The following DYTN variants were observed in gnomAD, a reference collection of about 807,000 sequenced individuals.
DYTN encodes dystrotelin.
Under a neutral mutation model 69.6 loss-of-function variants are expected in DYTN, and 75 were observed. That is an observed-to-expected ratio of 1.08 (90% CI 0.89 to 1.31). The LOEUF (loss-of-function observed/expected upper bound fraction) is 1.31. DYTN is among the 50% of genes most tolerant of loss of function. The pLI is 0.00. For synonymous variants in DYTN, 252 were observed against 249.1 expected, an observed-to-expected ratio of 1.01 and a Z score of -0.11; for missense variants, 726 against 688.4, an observed-to-expected ratio of 1.05 and a Z score of -0.61.
chr2:206,661,211 G>A (rs1351800695), intron 11 of DYTN, among the ~76,000 whole-genome samples: 2 of 152,144 alleles, frequency 1.3e-5, no homozygotes, highest in African/African-American at 4.8e-5. Flanking sequence ...TGGCCTCCAG[G>A]ACTGTGAGAA....
At chr2:206,706,110 C>T (rs1362731767) in intron 3 of DYTN, among the ~76,000 whole-genome samples, 1 of 152,186 alleles carries the variant, frequency 6.6e-6, no homozygotes, top group Non-Finnish European at 1.5e-5. Flanking sequence ...TGGATGCCTC[C>T]TCTGTGCTAA....
intron 11 of DYTN, among the ~76,000 whole-genome samples, chr2:206,659,162 CTCTTTTTT>C (rs1322043792): frequency 1.9e-4 from 23 of 123,520 alleles, no homozygotes; most frequent in South Asian, 5.3e-4. Context: ...TTCTCACAGT[CTCTTTTTT>C]TTTTTTTTTT....
intron 4 of DYTN, 81 bp from the exon 5 acceptor site, chr2:206,705,024 T>A (rs1700012103): frequency 8.8e-7 from 1 of 1,130,190 alleles, no homozygotes; most frequent in Non-Finnish European, 1.3e-6. Flanking sequence ...AGTAACAGTC[T>A]CTTTGTGGCT....
At chr2:206,666,670 C>G (rs1392007595) in intron 9 of DYTN, among the ~76,000 whole-genome samples, 1 of 151,976 alleles carries the variant, frequency 6.6e-6, no homozygotes. Flanking sequence ...TTTGGCTTCT[C>G]TTTTTGTCTA....
rs1007946812 is a variant in DYTN, at chr2:206,680,046, A to T, written c.980+13129T>A. On this transcript the variant is annotated intron_variant, in intron 9 of 11. Coordinates refer to ENST00000452335, the MANE Select transcript of DYTN (RefSeq NM_001093730.1). ...TCAGAGTGCCAGCGTGGTCGGTCATACACTGTGTTAGTCAATTTTCATACT... is the reference window on the plus strand; with the variant it reads ...TCAGAGTGCCAGCGTGGTCGGTCATTCACTGTGTTAGTCAATTTTCATACT... 2.0e-5 allele frequency among the ~76,000 whole-genome samples: 3 copies of T among 152,346 alleles called. No individual in the cohort carries two copies. The South Asian group carries it at 6.2e-4, about 32-fold the overall frequency.
intron 9 of DYTN, among the ~76,000 whole-genome samples, chr2:206,671,334 T>A (rs1699627801): frequency 6.6e-6 from 1 of 152,186 alleles, no homozygotes. Context: ...AAAAGGGCAG[T>A]AGCAGGAAGA....
Position 206,669,044 on chromosome 2 carries a change from G to A in DYTN, c.981-3015C>T, listed in dbSNP as rs142385700. ...CTTTATAAATTACCCAGTCTCAGGC[G>A]TTTCTTCACAGCAGTGTGAGATTGG... On this transcript the variant is annotated intron_variant, in intron 9 of 11. Transcript: ENST00000452335. 3.3e-3 allele frequency among the ~76,000 whole-genome samples: 508 copies of A among 152,284 alleles called. 4 individuals are homozygous for A. Among genetic ancestry groups the A allele is most frequent in the African/African-American group, 0.011 (462 of 41,556 alleles).
intron 9 of DYTN, 65 bp from the exon 10 acceptor site, chr2:206,666,094 G>C (rs1699569094): frequency 1.3e-6 from 2 of 1,560,562 alleles, no homozygotes. Flanking sequence ...TTAGAGCCCT[G>C]GTAAGATGTA....
At position 206,679,492 on chromosome 2, in the gene DYTN, T is replaced by C. The variant is rs369401846; in HGVS notation, c.981-13463A>G. Among the ~76,000 whole-genome samples the C allele has an allele frequency of 1.1e-3, 174 of 152,322 alleles. 2 individuals carry two copies. Among genetic ancestry groups the C allele is most frequent in the African/African-American group, 4.1e-3 (172 of 41,578 alleles). On this transcript the variant is annotated intron_variant, in intron 9 of 11. Coordinates refer to ENST00000452335, the MANE Select transcript of DYTN (RefSeq NM_001093730.1). ...CAGGTCAGACATTAGGAGTTATAAA[T>C]GCAGGTATGTGTTTATCACGTCAAA... is the stretch of plus-strand genomic sequence containing the variant.
rs145199345 is a variant in DYTN, at chr2:206,680,303, C to A, written c.980+12872G>T. Among the ~76,000 whole-genome samples, 484 of 152,210 alleles carry A rather than the reference C, an allele frequency of 3.2e-3. 4 individuals carry two copies. Among genetic ancestry groups the A allele is most frequent in the African/African-American group, 0.011 (441 of 41,516 alleles). ...ATTATGAGAAGAGCATGGGAAAAAC[C>A]TGCCCCCATGATTCAATTACCTCCC... On this transcript the variant is annotated intron_variant, in intron 9 of 11. Transcript: ENST00000452335.
At chr2:206,691,410 C>G (rs887126340) in intron 9 of DYTN, among the ~76,000 whole-genome samples, 1 of 151,482 alleles carries the variant, frequency 6.6e-6, no homozygotes, top group Non-Finnish European at 1.5e-5. Context: ...AAGACTCCAT[C>G]TTAAAAAAAA....
intron 1 of DYTN, among the ~76,000 whole-genome samples, chr2:206,711,032 A>G (rs1327880123): frequency 2.6e-5 from 4 of 152,236 alleles, no homozygotes; most frequent in African/African-American, 7.2e-5. Flanking sequence ...AGCCCTTAGT[A>G]TATGGCCCTG....
chr2:206,710,024 G>C (rs16838653), intron 2 of DYTN, among the ~76,000 whole-genome samples: 2,935 of 152,246 alleles, frequency 0.019, 77 homozygotes, highest in African/African-American at 0.066. Flanking sequence ...GAATTCTCGA[G>C]ATAGTTTTAA....
At chr2:206,683,550 G>C (rs776741447) in intron 9 of DYTN, among the ~76,000 whole-genome samples, 2 of 151,668 alleles carry the variant, frequency 1.3e-5, no homozygotes, top group Non-Finnish European at 2.9e-5. Flanking sequence ...TACCATGTTG[G>C]CCATGCTGGT....
chr2:206,710,407 C>T, intron 2 of DYTN, 117 bp downstream of exon 2: 1 of 980,916 alleles, frequency 1.0e-6, no homozygotes, highest in Non-Finnish European at 1.5e-6. Flanking sequence ...TGCACAAGTC[C>T]AGACTTCCAG....
chr2:206,710,596 C>A lies in DYTN; in HGVS notation c.22G>T (p.Ala8Ser). Residue 8 changes from alanine to serine, a missense_variant and splice_region_variant, in exon 2 of 12, where the codon GCT becomes TCT. Transcript: ENST00000452335. ...ATGGAATTCTCAATACTATTAAGAG[C>A]ATCTGTAAAGAAAACGTAAAATATT... Reference protein sequence around the residue: MDPDKQDALNSIENSIYR... With the variant: MDPDKQDSLNSIENSIYR... 1 of 1,599,944 alleles carries A rather than the reference C, an allele frequency of 6.3e-7. No individual in the cohort carries two copies. Among genetic ancestry groups the A allele is most frequent in the African/African-American group, 1.3e-5 (1 of 74,642 alleles).
intron 11 of DYTN, among the ~76,000 whole-genome samples, chr2:206,656,630 T>C (rs532759381): frequency 6.6e-6 from 1 of 152,190 alleles, no homozygotes; most frequent in East Asian, 1.9e-4. Flanking sequence ...TTGACAGCTA[T>C]TATATTTGCA....
chr2:206,692,038 G>T (rs1699868657), intron 9 of DYTN, among the ~76,000 whole-genome samples: 1 of 152,112 alleles, frequency 6.6e-6, no homozygotes, highest in African/African-American at 2.4e-5. Context: ...ACTTTGGGAG[G>T]CCGAGGTGGG....
At chr2:206,701,280 T>C (rs1158157917) in intron 5 of DYTN, 1 of 152,228 alleles carries the variant, frequency 6.6e-6, no homozygotes, top group African/African-American at 2.4e-5. Context: ...TTACTACCCT[T>C]GTTTAAACAA....
Sources: gnomAD v4.1 joint callset for allele counts (sites outside exome capture counted in the v4.1 genomes callset) on GRCh38, gnomAD v4.1.1 for gene constraint, MANE v1.5 for transcripts, NCBI Gene and HGNC (gene_info 2026-07-23, HGNC 2026-07-21) for gene names.